LIN9: variants seen among roughly 807,000 people sequenced by gnomAD.
The protein encoded by LIN9 is lin-9 DREAM MuvB core complex component.
Under a neutral mutation model 78.0 loss-of-function variants are expected in LIN9, and 18 were observed. The ratio of observed to expected loss-of-function variants is 0.23; its 90% confidence interval spans 0.16 to 0.34. The LOEUF (loss-of-function observed/expected upper bound fraction) is 0.34, where lower values mean the gene tolerates loss of function less well. Among genes scored for constraint, LIN9 ranks in the 10% least tolerant of loss-of-function variants. The pLI, the probability that LIN9 is intolerant of heterozygous loss-of-function variation, is 1.00. For missense variants in LIN9, 451 were observed against 644.1 expected (o/e 0.70, Z 3.25); for synonymous variants, 192 against 215.2 (o/e 0.89, Z 0.94).
In LIN9 at chr1:226,265,647, A is replaced by G. The variant is rs942213669; in HGVS notation, c.937-13T>C. On this transcript the variant is annotated splice_polypyrimidine_tract_variant and intron_variant, in intron 9 of 14. Transcript: ENST00000681046. This position sits in a 1 kb window ranked among gnomAD's most constrained non-coding sequence, Gnocchi z 4.1. ...AAGGATCATTATCCTATGGGAATAAAAAGGAATTATTTAATCATTGACTAT... is the reference window on the plus strand; with the variant it reads ...AAGGATCATTATCCTATGGGAATAAGAAGGAATTATTTAATCATTGACTAT... The G allele has an allele frequency of 2.2e-6, 3 of 1,383,836 alleles. No homozygotes were observed. Among genetic ancestry groups the G allele is most frequent in the African/African-American group, 2.9e-5 (2 of 69,982 alleles). The allele number at this position is 1,383,836 out of a possible 1,614,324, so 85.7% of individuals were successfully genotyped here. A position where few individuals can be genotyped will look rare whatever the true frequency, so the allele number is the denominator to read the frequency against.
intron 3 of LIN9, among the ~76,000 whole-genome samples, chr1:226,296,868 T>G (rs552347436): frequency 6.6e-6 from 1 of 151,390 alleles, no homozygotes; most frequent in African/African-American, 2.4e-5. Flanking sequence ...AAAAAAAAAA[T>G]TTTTTATTAG....
intron 7 of LIN9, among the ~76,000 whole-genome samples, chr1:226,272,512 C>T (rs1660350438): frequency 6.8e-6 from 1 of 147,576 alleles, no homozygotes; most frequent in Non-Finnish European, 1.5e-5. Context: ...GTAGCTGGGA[C>T]TACAGGTGCC....
intron 7 of LIN9, among the ~76,000 whole-genome samples, chr1:226,272,750 T>C (rs1660383117): frequency 6.6e-6 from 1 of 152,012 alleles, no homozygotes. Context: ...GAACATGTTC[T>C]ATATAAAGGC....
intron 1 of LIN9, among the ~76,000 whole-genome samples, chr1:226,302,539 T>A: frequency 7.4e-6 from 1 of 134,982 alleles, no homozygotes; most frequent in African/African-American, 2.9e-5. Flanking sequence ...AGAGTGAGAC[T>A]CCATGTCCAA....
At chr1:226,251,180 A>G (rs918055678) in intron 10 of LIN9, among the ~76,000 whole-genome samples, 5 of 150,956 alleles carry the variant, frequency 3.3e-5, no homozygotes, top group Admixed American at 2.6e-4. Context: ...CAGCCTCCCG[A>G]GTAGCAGGGA....
rs200459254 is a variant in LIN9 at position 226,233,486 on chromosome 1, G to T, written c.1283C>A (p.Pro428Gln). 2 of 1,613,956 alleles carry T rather than the reference G, an allele frequency of 1.2e-6. No homozygotes were observed. The highest frequency in any genetic ancestry group is 2.7e-5 in the African/African-American group (2 of 75,026). ...PDQGLQPADQ[P>Q]TDMRRRCEEE... ...CTCACACCTGCGTCTCATATCTGTT[G>T]GCTGATCTGCAGGCTGGAGCCCCTG... The change falls in exon 13 of 15, where the codon CCA (proline) becomes CAA (glutamine). Residue 428 changes from proline to glutamine, a missense_variant. By Grantham distance (76) the Pro-to-Gln change is moderately conservative. Coordinates refer to ENST00000681046, the MANE Select transcript of LIN9 (RefSeq NM_001366245.2).
At chr1:226,240,948 C>T (rs1198679415) in intron 11 of LIN9, among the ~76,000 whole-genome samples, 4 of 152,164 alleles carry the variant, frequency 2.6e-5, no homozygotes, top group Non-Finnish European at 5.9e-5. Flanking sequence ...ACATATGAGG[C>T]CCATGTACCG....
chr1:226,254,184 C>T (rs10915963), intron 10 of LIN9, among the ~76,000 whole-genome samples: 35,565 of 152,106 alleles, frequency 0.23, 4,452 homozygotes, highest in South Asian at 0.33. Context: ...GTCTATGTTG[C>T]CCAGGCTTGT....
At chr1:226,272,517 G>A (rs1463700009) in intron 7 of LIN9, among the ~76,000 whole-genome samples, 2 of 149,802 alleles carry the variant, frequency 1.3e-5, no homozygotes, top group East Asian at 3.9e-4. Context: ...TGGGACTACA[G>A]GTGCCCACTA....
intron 11 of LIN9, among the ~76,000 whole-genome samples, chr1:226,248,053 C>T (rs1192020806): frequency 6.6e-6 from 1 of 152,160 alleles, no homozygotes; most frequent in Non-Finnish European, 1.5e-5. Flanking sequence ...CAGTTATTTA[C>T]AGCAGGAAGG....
At chr1:226,243,976 G>A (rs942907403) in intron 11 of LIN9, among the ~76,000 whole-genome samples, 1 of 151,254 alleles carries the variant, frequency 6.6e-6, no homozygotes, top group Non-Finnish European at 1.5e-5. Context: ...CAAGGTTCAA[G>A]TGATTCTCCT....
intron 11 of LIN9, among the ~76,000 whole-genome samples, chr1:226,242,273 G>T (rs1658163878): frequency 6.6e-6 from 1 of 152,126 alleles, no homozygotes; most frequent in Non-Finnish European, 1.5e-5. Flanking sequence ...TGTATGCCTG[G>T]CACATATGTT....
intron 10 of LIN9, among the ~76,000 whole-genome samples, chr1:226,260,628 GTTTTTTTTTTTTTTTTTTTTT>G (rs559460640): frequency 1.4e-5 from 1 of 73,430 alleles, no homozygotes; most frequent in African/African-American, 5.0e-5. Context: ...GGCCAAATGA[GTTTTTTTTTTTTTTTTTTTTT>G]TTTTTTTTTT....
At chr1:226,256,744 G>C (rs1487285647) in intron 10 of LIN9, among the ~76,000 whole-genome samples, 1 of 151,634 alleles carries the variant, frequency 6.6e-6, no homozygotes, top group African/African-American at 2.4e-5. Context: ...ATTTTTAGTA[G>C]AGACAGGGTT....
chr1:226,293,452 T>C (rs550071402), intron 4 of LIN9, among the ~76,000 whole-genome samples: 22 of 152,252 alleles, frequency 1.4e-4, no homozygotes, highest in African/African-American at 5.3e-4. Context: ...TATTCCAAAG[T>C]CTAGCTAACA....
At chr1:226,232,924 T>G (rs568605482) in intron 14 of LIN9, 172 bp downstream of exon 14, 3 of 509,824 alleles carry the variant, frequency 5.9e-6, no homozygotes, top group Admixed American at 3.8e-5. Flanking sequence ...ACAAAATCCA[T>G]GTGAAATTTC....
At chr1:226,301,548 A>G (rs1662534738) in intron 1 of LIN9, among the ~76,000 whole-genome samples, 1 of 152,176 alleles carries the variant, frequency 6.6e-6, no homozygotes. Context: ...AAGAAAAGAG[A>G]AAGGGAACCG....
At chr1:226,273,286 G>T in intron 7 of LIN9, among the ~76,000 whole-genome samples, 1 of 113,702 alleles carries the variant, frequency 8.8e-6, no homozygotes, top group East Asian at 2.8e-4. Context: ...TTTGAGACAA[G>T]GTCTCACTCT....
Position 226,239,070 on chromosome 1 carries a change from A to C in LIN9, c.1146T>G (p.Ile382Met), listed in dbSNP as rs751055373. 1.2e-6 allele frequency: 2 copies of C among 1,613,658 alleles called. No homozygotes were observed. The highest frequency in any genetic ancestry group is 2.7e-5 in the African/African-American group (2 of 74,930). The change falls in exon 12 of 15, where the codon ATT becomes ATG. Residue 382 changes from isoleucine to methionine, a missense_variant. Ile to Met is a conservative substitution (Grantham distance 10). Transcript: ENST00000681046. ...KLKSYSMPIS[I>M]EFQRRYATIV... ...TTGTTGCATATCTCCGCTGAAATTC[A>C]ATGCTGATGGGCATGGAATATGATT...
Sources: gnomAD v4.1 joint callset for allele counts (sites outside exome capture counted in the v4.1 genomes callset) on GRCh38, gnomAD v4.1.1 for gene constraint, Gnocchi (gnomAD v3.1) non-coding constraint, MANE v1.5 for transcripts, NCBI Gene and HGNC (gene_info 2026-07-23, HGNC 2026-07-21) for gene names.